PROCR: variants seen among roughly 807,000 people sequenced by gnomAD.
PROCR encodes protein C receptor.
Under a neutral mutation model 24.2 loss-of-function variants are expected in PROCR, and 22 were observed. The observed-to-expected ratio is 0.91, with a 90% CI of 0.65 to 1.30. The LOEUF (loss-of-function observed/expected upper bound fraction) is 1.30, where lower values mean the gene tolerates loss of function less well. Ranked by LOEUF, PROCR falls within the 50% of genes most tolerant of loss-of-function variation. The pLI, the probability that PROCR is intolerant of heterozygous loss-of-function variation, is 0.00. For synonymous variants in PROCR, 137 were observed against 139.2 expected (o/e 0.98, Z 0.11); for missense variants, 288 against 307.7 (o/e 0.94, Z 0.48).
At position 35,172,122 on chromosome 20, in the gene PROCR, C is replaced by G; in HGVS notation, c.-33C>G. The G allele has an allele frequency of 4.3e-6, 7 of 1,611,888 alleles. No homozygotes were observed. Among genetic ancestry groups the G allele is most frequent in the Non-Finnish European group, 5.9e-6 (7 of 1,178,020 alleles). ...CAGCGGAGCCCGCAGCCGGCCCGAGCCAGGAACCCAGGTCCGGAGCCTCAA... is the reference window on the plus strand; with the variant it reads ...CAGCGGAGCCCGCAGCCGGCCCGAGGCAGGAACCCAGGTCCGGAGCCTCAA... On this transcript the variant is annotated 5_prime_UTR_variant, in exon 1 of 4. Transcript: ENST00000216968.
chr20:35,193,367 G>T lies in PROCR; in HGVS notation c.94+16921G>T, dbSNP rs564242148. ...ATTTTTGTACTTTTAGTAGAGACGGGGTTTCACTGTGTTGGCCAGGATGGT... is the reference window on the plus strand; with the variant it reads ...ATTTTTGTACTTTTAGTAGAGACGGTGTTTCACTGTGTTGGCCAGGATGGT... On this transcript the variant is annotated intron_variant, in intron 1 of 1. Coordinates refer to the PROCR transcript ENST00000634509. Among the ~76,000 whole-genome samples the T allele has an allele frequency of 2.0e-5, 3 of 152,164 alleles. No individual in the cohort carries two copies. The East Asian group carries it at 5.8e-4, about 29-fold the overall frequency.
downstream of PROCR, among the ~76,000 whole-genome samples, chr20:35,180,787 C>T (rs1391355368): frequency 6.6e-6 from 1 of 152,216 alleles, no homozygotes; most frequent in African/African-American, 2.4e-5. Context: ...TTTAATTCAT[C>T]TTCTACATGG....
intron 1 of PROCR, among the ~76,000 whole-genome samples, chr20:35,196,583 C>A (rs898255649): frequency 7.9e-5 from 12 of 152,086 alleles, no homozygotes; most frequent in African/African-American, 2.9e-4. Flanking sequence ...CTTTAAAGTG[C>A]TGAAAGAAAA....
intron 1 of PROCR, among the ~76,000 whole-genome samples, chr20:35,186,178 A>G (rs1254784050): frequency 6.6e-6 from 1 of 152,214 alleles, no homozygotes; most frequent in Non-Finnish European, 1.5e-5. Context: ...CTGTTAATTG[A>G]TGGAGAAACA....
At chr20:35,172,311 A>C (rs1259141683) in intron 1 of PROCR, 87 bp downstream of exon 1, 2 of 1,451,034 alleles carry the variant, frequency 1.4e-6, no homozygotes, top group African/African-American at 1.4e-5. Flanking sequence ...AGGAGAGCTT[A>C]TCTCACAGCA....
intron 1 of PROCR, among the ~76,000 whole-genome samples, chr20:35,205,893 A>G (rs1037749742): frequency 4.8e-5 from 7 of 146,392 alleles, no homozygotes; most frequent in Non-Finnish European, 1.0e-4. Context: ...ATATATGTGT[A>G]TGACCTCCGG....
rs1284592742 is a variant in PROCR, at chr20:35,175,577, C to CTTTT, written c.323-591_323-590insTTTT. On this transcript the variant is annotated intron_variant, in intron 2 of 3. Transcript: ENST00000216968. ...CTCTCCTAGTCCCCCACCCCACCCC[C>CTTTT]CTTTTTTTTTTTTTTTTTTTTTTTT... Among the ~76,000 whole-genome samples, 395 of 51,160 alleles carry CTTTT rather than the reference C, an allele frequency of 7.7e-3. 3 individuals carry two copies. Among genetic ancestry groups the CTTTT allele is most frequent in the African/African-American group, 0.024 (189 of 7,732 alleles). 33.6% of individuals were successfully genotyped at this position (51,160 alleles called of 152,430 possible). A position where few individuals can be genotyped will look rare whatever the true frequency, so the allele number is the denominator to read the frequency against.
At chr20:35,215,617 G>T (rs2060379578) in intron 1 of PROCR, among the ~76,000 whole-genome samples, 1 of 151,978 alleles carries the variant, frequency 6.6e-6, no homozygotes, top group Admixed American at 6.6e-5. Context: ...GGCACCAAGG[G>T]TTAAGGACAT....
At chr20:35,179,508 C>T (rs2086059214), downstream of PROCR, among the ~76,000 whole-genome samples, 1 of 151,500 alleles carries the variant, frequency 6.6e-6, no homozygotes, top group South Asian at 2.1e-4. Flanking sequence ...ATCGTGCCAC[C>T]ACACTGCAGC....
intron 1 of PROCR, among the ~76,000 whole-genome samples, chr20:35,191,439 T>C (rs572188768): frequency 1.3e-5 from 2 of 152,022 alleles, no homozygotes; most frequent in South Asian, 2.1e-4. Context: ...TACAGTTTAC[T>C]GGGAGGGACA....
chr20:35,181,282 T>A (rs966176884), downstream of PROCR, among the ~76,000 whole-genome samples: 2 of 151,776 alleles, frequency 1.3e-5, no homozygotes, highest in Non-Finnish European at 2.9e-5. Context: ...AATTTTATTT[T>A]ATTTTATTTT....
intron 1 of PROCR, among the ~76,000 whole-genome samples, chr20:35,208,074 C>T (rs2060348811): frequency 6.6e-6 from 1 of 152,028 alleles, no homozygotes; most frequent in South Asian, 2.1e-4. Context: ...GTGGCCAGGA[C>T]ATAGGACAGA....
chr20:35,200,807 C>T (rs2060315545), intron 1 of PROCR, among the ~76,000 whole-genome samples: 1 of 151,928 alleles, frequency 6.6e-6, no homozygotes, highest in Non-Finnish European at 1.5e-5. Context: ...GCCACCATGC[C>T]CGGCTAATTT....
intron 1 of PROCR, among the ~76,000 whole-genome samples, chr20:35,215,156 C>T (rs867876785): frequency 1.3e-5 from 2 of 152,118 alleles, no homozygotes; most frequent in Non-Finnish European, 2.9e-5. Flanking sequence ...GTGATCCACC[C>T]GCCTCAGCCT....
chr20:35,193,167 T>C (rs6060300), intron 1 of PROCR, among the ~76,000 whole-genome samples: 29,303 of 150,782 alleles, frequency 0.19, 2,949 homozygotes, highest in Middle Eastern at 0.3. Flanking sequence ...CAATGCCCTG[T>C]TTCTTTCTTT....
chr20:35,195,820 CAAAAAAA>C (rs58205912), intron 1 of PROCR, among the ~76,000 whole-genome samples: 1 of 77,600 alleles, frequency 1.3e-5, no homozygotes, highest in Non-Finnish European at 2.9e-5. Context: ...GAGTCTGTCT[CAAAAAAA>C]AAAAAAAAAA....
At chr20:35,211,857 T>C (rs1010195910) in intron 1 of PROCR, among the ~76,000 whole-genome samples, 7 of 151,412 alleles carry the variant, frequency 4.6e-5, no homozygotes, top group African/African-American at 1.7e-4. Context: ...CTACTAAAAA[T>C]ATAAAAAAAT....
chr20:35,184,227 T>C (rs1255712601), intron 1 of PROCR, among the ~76,000 whole-genome samples: 1 of 152,112 alleles, frequency 6.6e-6, no homozygotes. Flanking sequence ...TGGAACAGAA[T>C]AGAGAACCCA....
In PROCR at chr20:35,177,114, G is replaced by A. The variant is rs2086028246; in HGVS notation, c.*301G>A. The A allele has an allele frequency of 8.3e-7, 1 of 1,209,030 alleles. No homozygotes were observed. The highest frequency in any genetic ancestry group is 1.0e-6 in the Non-Finnish European group (1 of 956,526). The allele number at this position is 1,209,030 out of a possible 1,614,324, so 74.9% of individuals were successfully genotyped here. On this transcript the variant is annotated 3_prime_UTR_variant, in exon 4 of 4. Transcript: ENST00000216968. ...AATGGAGTTGGGGCAGGAAGCCTAT[G>A]GCCCATCCTCCAAAGACAGACAGAA...
Sources: allele counts gnomAD v4.1 joint callset (sites outside exome capture counted in the v4.1 genomes callset), GRCh38; gene constraint gnomAD v4.1.1; transcripts MANE v1.5; gene names NCBI Gene and HGNC (gene_info 2026-07-23, HGNC 2026-07-21).